GNAI1: variants seen among roughly 807,000 people sequenced by gnomAD.
GNAI1 encodes guanine nucleotide-binding protein G(i) subunit alpha-1.
A neutral mutation model predicts 38.9 loss-of-function variants in GNAI1; 11 were observed. The observed-to-expected ratio is 0.28, with a 90% CI of 0.18 to 0.47. The LOEUF is 0.47. Among genes scored for constraint, GNAI1 ranks in the 20% least tolerant of loss-of-function variants. The pLI, the probability that GNAI1 is intolerant of heterozygous loss-of-function variation, is 0.99. For synonymous variants in GNAI1, 166 were observed against 145.1 expected (o/e 1.14, Z -1.04); for missense variants, 317 against 436.9 (o/e 0.73, Z 2.45).
intron 4 of GNAI1, among the ~76,000 whole-genome samples, chr7:80,202,370 C>G (rs1035003870): frequency 6.6e-6 from 1 of 152,094 alleles, no homozygotes; most frequent in African/African-American, 2.4e-5. Flanking sequence ...TTACAGGCGC[C>G]AGCCACCACG....
At chr7:80,204,157 G>A (rs1178906747) in intron 5 of GNAI1, among the ~76,000 whole-genome samples, 1 of 151,982 alleles carries the variant, frequency 6.6e-6, no homozygotes, top group Admixed American at 6.6e-5. Flanking sequence ...GGAAAGTGTT[G>A]CCATCTATTT....
At chr7:80,211,857 T>C (rs1788880206) in intron 6 of GNAI1, among the ~76,000 whole-genome samples, 1 of 152,160 alleles carries the variant, frequency 6.6e-6, no homozygotes, top group South Asian at 2.1e-4. Context: ...TATTACAAAG[T>C]GGGGGAAAAA....
At chr7:80,178,909 A>G (rs778173368) in intron 1 of GNAI1, among the ~76,000 whole-genome samples, 47 of 152,336 alleles carry the variant, frequency 3.1e-4, no homozygotes, top group Non-Finnish European at 5.1e-4. Flanking sequence ...GAATAAGACT[A>G]TCCATAATTA....
rs549146183 is a variant in GNAI1 at position 80,153,022 on chromosome 7, G to A, written c.118+17744G>A. On this transcript the variant is annotated intron_variant, in intron 1 of 7. Coordinates refer to ENST00000649796, the MANE Select transcript of GNAI1 (RefSeq NM_002069.6). The stretch of plus-strand genomic sequence containing the variant: ...TTATATCTAATACACTGTATTTACC[G>A]AAGAATGTAGACTTTTATATTTTAG... Among the ~76,000 whole-genome samples the A allele has an allele frequency of 9.9e-5, 15 of 151,616 alleles. No homozygotes were observed. In the East Asian group the frequency reaches 1.4e-3, roughly 14 times the overall value.
At chr7:80,213,749 A>T (rs1416313565) in intron 7 of GNAI1, among the ~76,000 whole-genome samples, 2 of 152,104 alleles carry the variant, frequency 1.3e-5, no homozygotes, top group Non-Finnish European at 2.9e-5. Flanking sequence ...TATGCCTTAA[A>T]AAAACAGGGA....
At chr7:80,143,272 G>T (rs1342068748) in intron 1 of GNAI1, among the ~76,000 whole-genome samples, 1 of 152,024 alleles carries the variant, frequency 6.6e-6, no homozygotes, top group African/African-American at 2.4e-5. Context: ...TGTCAAATGG[G>T]GAAGAAAAAA....
intron 1 of GNAI1, among the ~76,000 whole-genome samples, chr7:80,140,912 C>G (rs975609826): frequency 6.6e-6 from 1 of 152,124 alleles, no homozygotes; most frequent in Non-Finnish European, 1.5e-5. Flanking sequence ...CCTTTTTCAG[C>G]TCTACAGAGG....
chr7:80,136,217 G>A (rs1479155741), intron 1 of GNAI1: 3 of 195,818 alleles, frequency 1.5e-5, no homozygotes, highest in Non-Finnish European at 2.8e-5. Flanking sequence ...ATCTTTACAG[G>A]TTAAGATTCG....
intron 1 of GNAI1, among the ~76,000 whole-genome samples, chr7:80,148,061 G>C (rs1469886173): frequency 6.6e-6 from 1 of 152,094 alleles, no homozygotes; most frequent in African/African-American, 2.4e-5. Context: ...TAAAAACTGG[G>C]CTGTGGATTC....
intron 1 of GNAI1, among the ~76,000 whole-genome samples, chr7:80,186,075 C>G (rs1788382443): frequency 7.0e-6 from 1 of 142,108 alleles, no homozygotes; most frequent in Admixed American, 7.3e-5. Context: ...CTCTGTTGCC[C>G]AGGCTGGAGT....
intron 4 of GNAI1, among the ~76,000 whole-genome samples, chr7:80,201,752 G>A (rs1261346925): frequency 1.3e-5 from 2 of 151,918 alleles, no homozygotes; most frequent in Non-Finnish European, 2.9e-5. Context: ...ATTATAAAAT[G>A]AAAAATATGT....
At chr7:80,194,612 G>A (rs933111540) in intron 3 of GNAI1, among the ~76,000 whole-genome samples, 4 of 152,000 alleles carry the variant, frequency 2.6e-5, no homozygotes, top group African/African-American at 9.7e-5. Context: ...TTTTTAATCT[G>A]TCTGAAGCAT....
chr7:80,216,350 A>AT (rs1788968003), intron 7 of GNAI1, among the ~76,000 whole-genome samples: 3 of 152,082 alleles, frequency 2.0e-5, no homozygotes, highest in Admixed American at 2.0e-4. Context: ...ACACAATCAC[A>AT]ACCCATACAC....
intron 6 of GNAI1, among the ~76,000 whole-genome samples, chr7:80,212,097 C>A (rs1337312118): frequency 1.3e-5 from 2 of 151,926 alleles, no homozygotes; most frequent in Non-Finnish European, 2.9e-5. Context: ...CTGAGTATAC[C>A]GAGAGACGAT....
In GNAI1 at chr7:80,202,314, G is replaced by T. The variant is rs547999994; in HGVS notation, c.462-1390G>T. 1.1e-4 allele frequency among the ~76,000 whole-genome samples: 16 copies of T among 152,104 alleles called. No individual in the cohort carries two copies. In the South Asian group the frequency reaches 2.9e-3, roughly 28 times the overall value. On this transcript the variant is annotated intron_variant, in intron 4 of 7. Coordinates refer to ENST00000649796, the MANE Select transcript of GNAI1 (RefSeq NM_002069.6). ...CATGTTGGCCAGGATGGTCTTGATTGCCTGACCTCGTGATCCGCCCACCTC... is the reference window on the plus strand; with the variant it reads ...CATGTTGGCCAGGATGGTCTTGATTTCCTGACCTCGTGATCCGCCCACCTC...
intron 1 of GNAI1, chr7:80,187,186 G>GGTGTGT (rs376869657): frequency 2.1e-5 from 3 of 142,362 alleles, no homozygotes; most frequent in African/African-American, 8.3e-5. Context: ...TGATGATTTG[G>GGTGTGT]GTGTGTGTGT....
chr7:80,144,416 CT>C (rs1157515578), intron 1 of GNAI1, among the ~76,000 whole-genome samples: 2 of 152,120 alleles, frequency 1.3e-5, no homozygotes, highest in Admixed American at 6.6e-5. Flanking sequence ...AACGGATTTA[CT>C]TTTAGGAGAA....
intron 3 of GNAI1, among the ~76,000 whole-genome samples, chr7:80,190,216 G>A (rs1788458243): frequency 6.6e-6 from 1 of 151,822 alleles, no homozygotes; most frequent in Non-Finnish European, 1.5e-5. Context: ...AGCAATATTA[G>A]GGAATATACA....
intron 1 of GNAI1, among the ~76,000 whole-genome samples, chr7:80,184,500 A>G (rs1788357335): frequency 6.6e-6 from 1 of 152,058 alleles, no homozygotes; most frequent in African/African-American, 2.4e-5. Flanking sequence ...TTCCCTTACC[A>G]GTCTAGCATT....
Sources: gnomAD v4.1 joint callset for allele counts (sites outside exome capture counted in the v4.1 genomes callset) on GRCh38, gnomAD v4.1.1 for gene constraint, MANE v1.5 for transcripts, NCBI Gene and HGNC (gene_info 2026-07-23, HGNC 2026-07-21) for gene names.